The following KICS2 variants were observed in gnomAD, a reference collection of about 807,000 sequenced individuals.
The protein encoded by KICS2 is KICSTOR subunit 2, also known as KICSTOR complex protein C12orf66.
KICS2 carries 13 observed loss-of-function variants against 31.4 expected under a neutral mutation model. The observed-to-expected ratio is 0.41, with a 90% CI of 0.27 to 0.66. KICS2 has a LOEUF of 0.66. Ranked by LOEUF, KICS2 falls within the 30% of genes least tolerant of loss-of-function variation. The probability of loss-of-function intolerance (pLI) is 0.28; values close to 1 mark genes in which losing one functional copy is unlikely to be tolerated. For synonymous variants in KICS2, 209 were observed against 214.8 expected (o/e 0.97, Z 0.24); for missense variants, 455 against 545.4 (o/e 0.83, Z 1.65).
chr12:64,219,918 T>C (rs1358920303), intron 1 of KICS2, among the ~76,000 whole-genome samples: 1 of 152,216 alleles, frequency 6.6e-6, no homozygotes, highest in East Asian at 1.9e-4. Context: ...TGGGAATGTT[T>C]TAAATGGCAA....
rs901209389 is a variant in KICS2 at position 64,191,993 on chromosome 12, TTG to T, written c.*1847_*1848del. The stretch of plus-strand genomic sequence containing the variant: ...CCCAGGAGGTTGAGGCTGCAGTGAG[TTG>T]TGATTGTGCCACTGTACTCCAGCCT... On this transcript the variant is annotated 3_prime_UTR_variant, in exon 3 of 3. Coordinates refer to ENST00000398055, the MANE Select transcript of KICS2 (RefSeq NM_152440.5). The T allele has an allele frequency of 2.4e-4, 36 of 147,826 alleles. No homozygotes were observed. The highest frequency in any genetic ancestry group is 9.1e-4 in the African/African-American group (36 of 39,572). The allele number at this position is 147,826 out of a possible 1,614,324, so 9.2% of individuals were successfully genotyped here.
chr12:64,220,740 G>A (rs1009300958), intron 1 of KICS2, among the ~76,000 whole-genome samples: 5 of 152,048 alleles, frequency 3.3e-5, no homozygotes, highest in African/African-American at 1.2e-4. Flanking sequence ...TTTTTAATAA[G>A]TTATATGAAT....
intron 2 of KICS2, among the ~76,000 whole-genome samples, chr12:64,213,240 T>C (rs903578302): frequency 1.3e-5 from 2 of 152,158 alleles, no homozygotes; most frequent in Admixed American, 1.3e-4. Flanking sequence ...AGTAAATGCT[T>C]CCTAGGTCTT....
intron 2 of KICS2, among the ~76,000 whole-genome samples, chr12:64,207,575 A>C (rs2037550417): frequency 6.6e-6 from 1 of 152,156 alleles, no homozygotes; most frequent in African/African-American, 2.4e-5. Context: ...AAAGGCTTAA[A>C]ATGAGCTTAG....
At position 64,222,266 on chromosome 12, in the gene KICS2, G is replaced by T. The variant is rs367967234; in HGVS notation, c.-29C>A. The T allele has an allele frequency of 2.5e-6, 4 of 1,608,074 alleles. No homozygotes were observed. On this transcript the variant is annotated 5_prime_UTR_variant, in exon 1 of 3. Transcript: ENST00000398055. ...AGCTGCGCCCCAGCTCGACCCACGT[G>T]GCTCTCCTCGGCCTCGCACTTCCGG...
At chr12:64,211,581 T>C (rs577794191) in intron 2 of KICS2, among the ~76,000 whole-genome samples, 1 of 152,140 alleles carries the variant, frequency 6.6e-6, no homozygotes, top group Admixed American at 6.5e-5. Flanking sequence ...ATCACGCCAC[T>C]GCACTCCAGC....
At chr12:64,196,567 T>TTCC (rs2037441518) in intron 2 of KICS2, among the ~76,000 whole-genome samples, 1 of 151,784 alleles carries the variant, frequency 6.6e-6, no homozygotes, top group African/African-American at 2.4e-5. Flanking sequence ...AGGAACACAG[T>TTCC]TCCTCACCAG....
rs202133556 is a variant in KICS2 at position 64,215,847 on chromosome 12, C to T, written c.352G>A (p.Val118Met). The change falls in exon 2 of 3, where the codon GTG becomes ATG. Residue 118 changes from valine (V) to methionine (M), a missense_variant. Coordinates refer to ENST00000398055, the MANE Select transcript of KICS2 (RefSeq NM_152440.5). ...GACAGGTGGGAAAGGAGTTCTTCCA[C>T]GTGAGGAGCAGTCCCACCCAGGGCA... ...RGALGGTAPH[V>M]EELLSHLSEQ... is the part of the protein sequence containing the mutation. 4.4e-4 allele frequency: 714 copies of T among 1,613,712 alleles called. 1 individual carries two copies. Among genetic ancestry groups the T allele is most frequent in the Non-Finnish European group, 5.6e-4 (666 of 1,179,920 alleles).
intron 2 of KICS2, among the ~76,000 whole-genome samples, chr12:64,207,646 G>T (rs2037550941): frequency 6.6e-6 from 1 of 152,086 alleles, no homozygotes; most frequent in Non-Finnish European, 1.5e-5. Context: ...CTCCAACCTT[G>T]GGCTCAGAAT....
intron 2 of KICS2, among the ~76,000 whole-genome samples, chr12:64,212,090 A>C (rs1429340773): frequency 2.0e-5 from 3 of 152,196 alleles, no homozygotes; most frequent in Non-Finnish European, 2.9e-5. Context: ...AAATGTTAAC[A>C]ATTTGTGAAT....
downstream of KICS2, among the ~76,000 whole-genome samples, chr12:64,190,340 A>G (rs1010275458): frequency 6.6e-6 from 1 of 152,218 alleles, no homozygotes; most frequent in Non-Finnish European, 1.5e-5. Context: ...CATTTTACAG[A>G]CAAGGAAGTT....
intron 1 of KICS2, among the ~76,000 whole-genome samples, chr12:64,220,346 C>A (rs2037669411): frequency 6.6e-6 from 1 of 152,142 alleles, no homozygotes; most frequent in Admixed American, 6.5e-5. Context: ...ACAGGGCAGC[C>A]AGTTCTGTTT....
In KICS2 at chr12:64,222,046, G is replaced by C. The variant is rs1286505020; in HGVS notation, c.192C>G (p.Ala64=). Reference sequence around the variant, plus strand: ...AGGTGAGGCTGTGATAGACCTTCTCGGCCGCGGCCAGGTGCGCCAAGGCCG... The same window carrying C: ...AGGTGAGGCTGTGATAGACCTTCTCCGCCGCGGCCAGGTGCGCCAAGGCCG... ...LLAALAHLAA[A]EKVYHSLTYL... is the part of the protein sequence containing the mutation. Residue 64 remains alanine (A), a synonymous_variant, in exon 1 of 3, where the codon GCC becomes GCG. Transcript: ENST00000398055. 1 of 1,613,700 alleles carries C rather than the reference G, an allele frequency of 6.2e-7. No homozygotes were observed.
At chr12:64,209,686 A>C (rs2037567558) in intron 2 of KICS2, among the ~76,000 whole-genome samples, 1 of 152,212 alleles carries the variant, frequency 6.6e-6, no homozygotes, top group African/African-American at 2.4e-5. Flanking sequence ...ACCAAAATAT[A>C]CTTTCCATTC....
chr12:64,220,409 A>G (rs61931253), intron 1 of KICS2, among the ~76,000 whole-genome samples: 6,828 of 152,290 alleles, frequency 0.045, 220 homozygotes, highest in Middle Eastern at 0.12. Context: ...ATTTTTTTAA[A>G]TGGAGTCAAT....
intron 2 of KICS2, among the ~76,000 whole-genome samples, chr12:64,195,224 T>G (rs545019687): frequency 1.6e-4 from 25 of 152,348 alleles, no homozygotes; most frequent in Admixed American, 3.9e-4. Flanking sequence ...CTAAATTAGG[T>G]ATAATTCTTT....
intron 2 of KICS2, 104 bp from the exon 3 acceptor site, chr12:64,194,762 G>C (rs2037416964): frequency 2.2e-6 from 3 of 1,395,032 alleles, no homozygotes; most frequent in Non-Finnish European, 2.8e-6. Context: ...ATAATATTAT[G>C]CTTCAGGACA....
chr12:64,205,326 T>C (rs970215249), intron 2 of KICS2, among the ~76,000 whole-genome samples: 3 of 152,182 alleles, frequency 2.0e-5, no homozygotes, highest in African/African-American at 7.2e-5. Flanking sequence ...AATGTGAATG[T>C]TGAAGCTATT....
rs201236776 is a variant in KICS2, at chr12:64,193,886, T to C, written c.1294A>G (p.Asn432Asp). 28 of 1,614,144 alleles carry C rather than the reference T, an allele frequency of 1.7e-5. No individual in the cohort carries two copies. In the African/African-American group the frequency reaches 3.2e-4, roughly 18 times the overall value. Residue 432 changes from asparagine (N) to aspartate (D), a missense_variant, in exon 3 of 3, where the codon AAC becomes GAC. By Grantham distance (23) the Asn-to-Asp change is conservative. Coordinates refer to ENST00000398055, the MANE Select transcript of KICS2 (RefSeq NM_152440.5). ...TTCAGACTTGCAAACACTTTGGGGTTCTTAAGGGCAAGTGAGACCTCATTG... is the reference window on the plus strand; with the variant it reads ...TTCAGACTTGCAAACACTTTGGGGTCCTTAAGGGCAAGTGAGACCTCATTG... ...FLNEVSLALK[N>D]PKVFASLKPG...
Sources: allele counts gnomAD v4.1 joint callset (sites outside exome capture counted in the v4.1 genomes callset), GRCh38; gene constraint gnomAD v4.1.1; transcripts MANE v1.5; gene names NCBI Gene and HGNC (gene_info 2026-07-23, HGNC 2026-07-21).